The following SERPIND1 variants were observed in gnomAD, a reference collection of about 807,000 sequenced individuals.
SERPIND1 encodes serpin family D member 1.
A neutral mutation model predicts 35.0 loss-of-function variants in SERPIND1; 34 were observed. That is an observed-to-expected ratio of 0.97 (90% CI 0.74 to 1.29). SERPIND1 has a LOEUF of 1.29. Among genes scored for constraint, SERPIND1 ranks in the 50% most tolerant of loss-of-function variants. The probability of loss-of-function intolerance (pLI) is 0.00; values close to 1 mark genes in which losing one functional copy is unlikely to be tolerated. For synonymous variants in SERPIND1, 236 were observed against 241.1 expected (o/e 0.98, Z 0.19); for missense variants, 633 against 637.7 (o/e 0.99, Z 0.08).
chr22:20,781,403 T>C (rs1444712518), intron 2 of SERPIND1, among the ~76,000 whole-genome samples: 1 of 152,204 alleles, frequency 6.6e-6, no homozygotes, highest in Non-Finnish European at 1.5e-5. Context: ...CAAAGGGCAG[T>C]ACTTGGAGGC....
chr22:20,786,878 A>C lies in SERPIND1; in HGVS notation c.1312A>C (p.Lys438Gln). The C allele has an allele frequency of 6.2e-7, 1 of 1,614,174 alleles. No individual in the cohort carries two copies. The highest frequency in any genetic ancestry group is 8.5e-7 in the Non-Finnish European group (1 of 1,180,026). Residue 438 changes from lysine (K) to glutamine (Q), a missense_variant, in exon 5 of 5, where the codon AAG becomes CAG. Lys to Gln is a moderately conservative substitution (Grantham distance 53). Coordinates refer to ENST00000215727, the MANE Select transcript of SERPIND1 (RefSeq NM_000185.4). ...SDQRIAIDLF[K>Q]HQGTITVNEE... ...GACAACTTTCCTTTCCAAACAGTTC[A>C]AGCACCAAGGCACGATCACAGTGAA...
Position 20,784,202 on chromosome 22 carries a change from AC to A in SERPIND1, c.1121del (p.Thr374AsnfsTer12), listed in dbSNP as rs36111713. ...GATGAAGACCCTCGAAGCGCAACTG[AC>A]ACCCCGGGTGGTGGAGAGATGGCAA... is the stretch of plus-strand genomic sequence containing the variant. The part of the protein sequence containing the change: ...SGMKTLEAQL[T>X]PRVVERWQKS... On this transcript the variant is annotated frameshift_variant, in exon 3 of 5. Coordinates refer to ENST00000215727, the MANE Select transcript of SERPIND1 (RefSeq NM_000185.4). LOFTEE classifies it high-confidence loss of function. 3.7e-6 allele frequency: 6 copies of A among 1,614,030 alleles called. No homozygotes were observed. Among genetic ancestry groups the A allele is most frequent in the East Asian group, 4.5e-5 (2 of 44,896 alleles).
At chr22:20,775,513 G>C (rs2147457492) in intron 1 of SERPIND1, among the ~76,000 whole-genome samples, 1 of 152,326 alleles carries the variant, frequency 6.6e-6, no homozygotes, top group South Asian at 2.1e-4. Context: ...GATAAAACAT[G>C]CATGTCTTTA....
intron 3 of SERPIND1, among the ~76,000 whole-genome samples, chr22:20,784,522 G>C (rs879312943): frequency 6.6e-6 from 1 of 152,104 alleles, no homozygotes; most frequent in Non-Finnish European, 1.5e-5. Flanking sequence ...TTGTGGCTTC[G>C]AGTCCCAGCT....
At chr22:20,783,857 C>A in intron 2 of SERPIND1, 115 bp from the exon 3 acceptor site, 1 of 1,370,380 alleles carries the variant, frequency 7.3e-7, no homozygotes, top group Non-Finnish European at 1.0e-6. Flanking sequence ...ACTGTGGGGT[C>A]GGCTCTGCAG....
At position 20,775,728 on chromosome 22, in the gene SERPIND1, G is replaced by A. The variant is rs148953063; in HGVS notation, c.-17+1583G>A. ...TGGTCTTGAACTCCTGGGCTCAAGC[G>A]ATCCTCCTGCCTTGGCCTCCCAAGA... is the stretch of plus-strand genomic sequence containing the variant. On this transcript the variant is annotated intron_variant, in intron 1 of 4. Transcript: ENST00000215727. Among the ~76,000 whole-genome samples the A allele has an allele frequency of 1.5e-4, 23 of 152,210 alleles. No homozygotes were observed. In the East Asian group the frequency reaches 3.9e-3, roughly 26 times the overall value.
chr22:20,780,825 T>C (rs546472852), intron 2 of SERPIND1, among the ~76,000 whole-genome samples: 2 of 147,232 alleles, frequency 1.4e-5, no homozygotes, highest in South Asian at 4.3e-4. Context: ...CACCCAGTTA[T>C]TAAGGGGCAG....
intron 3 of SERPIND1, 49 bp from the exon 4 acceptor site, chr22:20,785,955 G>GT: frequency 6.2e-7 from 1 of 1,613,338 alleles, no homozygotes. Context: ...TGATTCTTTT[G>GT]TAACTTGTGG....
At chr22:20,776,188 T>C (rs1257391675) in intron 1 of SERPIND1, among the ~76,000 whole-genome samples, 1 of 152,112 alleles carries the variant, frequency 6.6e-6, no homozygotes, top group Admixed American at 6.5e-5. Flanking sequence ...CTGGGTTTGG[T>C]GGCACACACC....
chr22:20,783,984 A>G lies in SERPIND1; in HGVS notation c.902A>G (p.Asn301Ser). 1 of 1,614,230 alleles carries G rather than the reference A, an allele frequency of 6.2e-7. No individual in the cohort carries two copies. Among genetic ancestry groups the G allele is most frequent in the South Asian group, 1.1e-5 (1 of 91,090 alleles). ...NCIYFKGSWVNKFPVEMTHNH... is the reference protein window; with the variant it reads ...NCIYFKGSWVSKFPVEMTHNH... ...GTGGCCTTTACAGGATCCTGGGTGA[A>G]TAAATTCCCAGTGGAAATGACACAC... Residue 301 changes from asparagine to serine, a missense_variant, in exon 3 of 5, where the codon AAT (asparagine) becomes AGT (serine). Transcript: ENST00000215727.
chr22:20,786,593 A>T (rs982506148), intron 4 of SERPIND1, among the ~76,000 whole-genome samples: 1 of 152,216 alleles, frequency 6.6e-6, no homozygotes, highest in African/African-American at 2.4e-5. Context: ...AGTGCGCAGC[A>T]GTGTGGGGAG....
intron 1 of SERPIND1, 145 bp from the exon 2 acceptor site, chr22:20,779,152 A>G (rs1002365136): frequency 1.6e-5 from 24 of 1,532,046 alleles, no homozygotes; most frequent in Non-Finnish European, 2.0e-5. Context: ...GATTCTCTTA[A>G]AGTCCATGAT....
intron 4 of SERPIND1, among the ~76,000 whole-genome samples, chr22:20,786,363 A>G (rs165761): frequency 0.49 from 74,059 of 151,930 alleles, 18,570 homozygotes; most frequent in African/African-American, 0.59. Context: ...GGCAGGGGGG[A>G]TCCCAAGAGC....
At position 20,779,980 on chromosome 22, in the gene SERPIND1, A is replaced by G. The variant is rs1473627250; in HGVS notation, c.668A>G (p.Asp223Gly). 2 of 1,614,158 alleles carry G rather than the reference A, an allele frequency of 1.2e-6. No individual in the cohort carries two copies. Among genetic ancestry groups the G allele is most frequent in the Non-Finnish European group, 1.7e-6 (2 of 1,180,032 alleles). ...GGGTACACACTGCGGTCAGTCAATG[A>G]CCTTTATATCCAGAAGCAGTTTCCA... ...NFGYTLRSVN[D>G]LYIQKQFPIL... is the part of the protein sequence containing the mutation. Residue 223 changes from aspartate (D) to glycine (G), a missense_variant, in exon 2 of 5, where the codon GAC becomes GGC. Asp to Gly is a moderately conservative substitution (Grantham distance 94). Coordinates refer to ENST00000215727, the MANE Select transcript of SERPIND1 (RefSeq NM_000185.4).
chr22:20,782,882 C>T (rs2147499161), intron 2 of SERPIND1, among the ~76,000 whole-genome samples: 1 of 152,318 alleles, frequency 6.6e-6, no homozygotes, highest in South Asian at 2.1e-4. Context: ...GAGCTTCACT[C>T]ACAGGCAGGC....
intron 1 of SERPIND1, among the ~76,000 whole-genome samples, chr22:20,778,255 C>T (rs1933457674): frequency 1.3e-5 from 2 of 152,126 alleles, no homozygotes; most frequent in African/African-American, 4.8e-5. Flanking sequence ...AATCCCAGCA[C>T]TTTGGGGGGC....
In SERPIND1 at chr22:20,784,145, A is replaced by C; in HGVS notation, c.1063A>C (p.Met355Leu). 6.2e-7 allele frequency: 1 copy of C among 1,614,184 alleles called. No homozygotes were observed. Among genetic ancestry groups the C allele is most frequent in the Non-Finnish European group, 8.5e-7 (1 of 1,180,028 alleles). The change falls in exon 3 of 5, where the codon ATG (methionine) becomes CTG (leucine). Residue 355 changes from methionine (M) to leucine (L), a missense_variant. Physicochemically the swap from Met to Leu is conservative, Grantham distance 15. Transcript: ENST00000215727. The part of the protein sequence containing the change: ...LQLEYVGGIS[M>L]LIVVPHKMSG... ...GCTGGAATACGTGGGGGGCATCAGC[A>C]TGCTAATTGTGGTCCCACACAAGAT...
intron 4 of SERPIND1, 107 bp from the exon 5 acceptor site, chr22:20,786,768 T>C (rs1203884882): frequency 1.7e-5 from 19 of 1,137,410 alleles, no homozygotes; most frequent in Non-Finnish European, 2.0e-5. Context: ...ATTTCCACCT[T>C]ACATGTTGTC....
rs1555894633 is a variant in SERPIND1, at chr22:20,785,067, C to CCTTT, written c.1163+822_1163+823insCTTT. Among the ~76,000 whole-genome samples the CCTTT allele has an allele frequency of 3.0e-5, 4 of 134,448 alleles. 1 individual carries two copies. 88.2% of individuals were successfully genotyped at this position (134,448 alleles called of 152,430 possible). A position where few individuals can be genotyped will look rare whatever the true frequency, so the allele number is the denominator to read the frequency against. On this transcript the variant is annotated intron_variant, in intron 3 of 4. Transcript: ENST00000215727. ...GCAGCTCTTGAGAAAGGGACTGCAT[C>CCTTT]TTTTTTTTTTTTTTTTTTTTGAGAC...
Sources: allele counts gnomAD v4.1 joint callset (sites outside exome capture counted in the v4.1 genomes callset), GRCh38; gene constraint gnomAD v4.1.1; transcripts MANE v1.5; gene names NCBI Gene and HGNC (gene_info 2026-07-23, HGNC 2026-07-21).